VGLL3: variants seen among roughly 807,000 people sequenced by gnomAD.
The protein encoded by VGLL3 is vestigial like family member 3.
In VGLL3, 18 loss-of-function variants were observed where a neutral mutation model predicts 29.2. The observed-to-expected ratio is 0.62, with a 90% CI of 0.43 to 0.91. The LOEUF is 0.91. Ranked by LOEUF, VGLL3 falls within the 40% of genes least tolerant of loss-of-function variation. VGLL3 has a pLI of 0.00. For synonymous variants in VGLL3, 180 were observed against 151.8 expected, an observed-to-expected ratio of 1.19 and a Z score of -1.36; for missense variants, 440 against 413.2, an observed-to-expected ratio of 1.06 and a Z score of -0.56.
intron 3 of VGLL3, among the ~76,000 whole-genome samples, chr3:86,948,205 A>G (rs1312080377): frequency 6.6e-6 from 1 of 152,200 alleles, no homozygotes; most frequent in African/African-American, 2.4e-5. Flanking sequence ...ACATGAAGCA[A>G]AACTCTTTAA....
At chr3:86,977,942 T>A (rs1705243514) in intron 2 of VGLL3, among the ~76,000 whole-genome samples, 1 of 152,124 alleles carries the variant, frequency 6.6e-6, no homozygotes, top group African/African-American at 2.4e-5. Flanking sequence ...CAGAGAGAAA[T>A]AAAGGAGTCC....
intron 1 of VGLL3, among the ~76,000 whole-genome samples, chr3:86,988,548 C>T (rs541091699): frequency 6.8e-6 from 1 of 146,604 alleles, no homozygotes; most frequent in South Asian, 2.2e-4. Context: ...TCAAAATAAA[C>T]TTCTGACACT....
intron 1 of VGLL3, 84 bp from the exon 2 acceptor site, chr3:86,978,886 A>G: frequency 7.1e-7 from 1 of 1,411,010 alleles, no homozygotes; most frequent in Non-Finnish European, 9.5e-7. Flanking sequence ...TTTTAAAAAA[A>G]GAATCTAAAT....
intron 3 of VGLL3, among the ~76,000 whole-genome samples, chr3:86,961,374 G>A (rs1704834667): frequency 6.6e-6 from 1 of 152,138 alleles, no homozygotes. Flanking sequence ...GAATGTACAA[G>A]ATTGTATGTC....
At chr3:86,972,853 T>C (rs961429106) in intron 2 of VGLL3, among the ~76,000 whole-genome samples, 2 of 152,150 alleles carry the variant, frequency 1.3e-5, no homozygotes, top group Admixed American at 1.3e-4. Context: ...CAATTTTCAT[T>C]TGGGGTTAAA....
rs1705567984 is a variant in VGLL3 at position 86,990,745 on chromosome 3, G to A, written c.-2C>T. On this transcript the variant is annotated 5_prime_UTR_variant, in exon 1 of 4. Transcript: ENST00000398399. ...ATACATCACCTCCGCACAACTCATG[G>A]CAGCCGGGGCAGTGGCGGCCCCCGA... 2.9e-6 allele frequency: 4 copies of A among 1,360,348 alleles called. No individual in the cohort carries two copies. Among genetic ancestry groups the A allele is most frequent in the Non-Finnish European group, 3.8e-6 (4 of 1,054,672 alleles). The allele number at this position is 1,360,348 out of a possible 1,614,324, so 84.3% of individuals were successfully genotyped here.
chr3:86,966,006 G>T (rs1704950571), intron 3 of VGLL3, among the ~76,000 whole-genome samples: 2 of 152,144 alleles, frequency 1.3e-5, no homozygotes, highest in South Asian at 4.1e-4. Context: ...AAGATAGAGA[G>T]ATGTAATATT....
chr3:86,967,706 T>C (rs1310067500), intron 3 of VGLL3, among the ~76,000 whole-genome samples: 2 of 152,164 alleles, frequency 1.3e-5, no homozygotes, highest in Non-Finnish European at 2.9e-5. Flanking sequence ...TGGGACCCAC[T>C]ACTTTGGACT....
Position 86,946,848 on chromosome 3 carries a change from G to A in VGLL3, c.*176C>T. On this transcript the variant is annotated 3_prime_UTR_variant, in exon 4 of 4. Coordinates refer to ENST00000398399, the MANE Select transcript of VGLL3 (RefSeq NM_016206.4). ...ACAAATAAAAATGCTTTTCTTCAAT[G>A]TCTGGGACCCACTTTGCTTTCTCAA... is the stretch of plus-strand genomic sequence containing the variant. 1.8e-6 allele frequency: 1 copy of A among 563,720 alleles called. No individual in the cohort carries two copies. Among genetic ancestry groups the A allele is most frequent in the Non-Finnish European group, 3.2e-6 (1 of 313,200 alleles). 34.9% of individuals were successfully genotyped at this position (563,720 alleles called of 1,614,324 possible). A position where few individuals can be genotyped will look rare whatever the true frequency, so the allele number is the denominator to read the frequency against.
chr3:86,972,257 C>G (rs1427212151), intron 2 of VGLL3, among the ~76,000 whole-genome samples: 1 of 151,974 alleles, frequency 6.6e-6, no homozygotes, highest in Non-Finnish European at 1.5e-5. Context: ...AAAATGCACT[C>G]CATAAAGATT....
intron 2 of VGLL3, among the ~76,000 whole-genome samples, chr3:86,970,103 T>A (rs1705062300): frequency 6.6e-6 from 1 of 152,044 alleles, no homozygotes; most frequent in South Asian, 2.1e-4. Context: ...TGAGGAAGTA[T>A]TTTGGGGAGA....
Position 86,964,398 on chromosome 3 carries a change from C to T in VGLL3, c.937+4192G>A, listed in dbSNP as rs535597235. On this transcript the variant is annotated intron_variant, in intron 3 of 3. Transcript: ENST00000398399. ...TCGTTTGTCACTACACATTATATGA[C>T]GTTCAACCTTCTAGATTTCAAGGTT... is the stretch of plus-strand genomic sequence containing the variant. Among the ~76,000 whole-genome samples the T allele has an allele frequency of 2.6e-5, 4 of 152,256 alleles. 1 individual carries two copies. Among genetic ancestry groups the T allele is most frequent in the South Asian group, 4.1e-4 (2 of 4,820 alleles).
At chr3:86,979,208 T>C (rs1441698081) in intron 1 of VGLL3, among the ~76,000 whole-genome samples, 2 of 152,186 alleles carry the variant, frequency 1.3e-5, no homozygotes, top group South Asian at 2.1e-4. Flanking sequence ...AGTGTTATGG[T>C]TTAGGACAGA....
intron 3 of VGLL3, among the ~76,000 whole-genome samples, chr3:86,949,680 G>T (rs570476276): frequency 1.3e-5 from 2 of 151,720 alleles, no homozygotes; most frequent in Admixed American, 6.6e-5. Flanking sequence ...CAAAAAATTA[G>T]CCGGGCGTGA....
At chr3:86,963,416 T>G (rs1039531778) in intron 3 of VGLL3, among the ~76,000 whole-genome samples, 1 of 152,178 alleles carries the variant, frequency 6.6e-6, no homozygotes. Flanking sequence ...AGACTAATAT[T>G]TGCCAGGCAT....
Position 86,990,618 on chromosome 3 carries a change from C to T in VGLL3, c.126G>A (p.Gln42=). ...GCAGGCTGCCCGTCCGGTGACTCAC[C>T]TGCTGGCCAGGTTGGGGCGCCGGCT... ...YYQPAPQPGQ[Q]KKLAVFSKMQ... is the part of the protein sequence containing the mutation. Residue 42 remains glutamine, a splice_region_variant and synonymous_variant, in exon 1 of 4, where the codon CAG becomes CAA. Transcript: ENST00000398399. 7 of 1,354,414 alleles carry T rather than the reference C, an allele frequency of 5.2e-6. No individual in the cohort carries two copies. The highest frequency in any genetic ancestry group is 6.7e-6 in the Non-Finnish European group (7 of 1,044,420). 83.9% of individuals were successfully genotyped at this position (1,354,414 alleles called of 1,614,324 possible).
In VGLL3 at chr3:86,940,676, A is replaced by G. The variant is rs928532525; in HGVS notation, c.*6348T>C. The stretch of plus-strand genomic sequence containing the variant: ...TTTATTGAACAAATTGAAGATAATG[A>G]CATATGTTTTTATTACAAAGTCTTC... On this transcript the variant is annotated 3_prime_UTR_variant, in exon 4 of 4. Coordinates refer to ENST00000398399, the MANE Select transcript of VGLL3 (RefSeq NM_016206.4). 1.3e-5 allele frequency: 2 copies of G among 152,282 alleles called. No individual in the cohort carries two copies. Among genetic ancestry groups the G allele is most frequent in the African/African-American group, 4.8e-5 (2 of 41,452 alleles). 9.4% of individuals were successfully genotyped at this position (152,282 alleles called of 1,614,324 possible).
chr3:86,966,254 C>T (rs1409228271), intron 3 of VGLL3, among the ~76,000 whole-genome samples: 3 of 152,004 alleles, frequency 2.0e-5, no homozygotes, highest in Non-Finnish European at 4.4e-5. Flanking sequence ...AAGGTGTCTA[C>T]GGGAATCTTC....
At chr3:86,950,857 G>T (rs1704602928) in intron 3 of VGLL3, among the ~76,000 whole-genome samples, 1 of 152,062 alleles carries the variant, frequency 6.6e-6, no homozygotes, top group Non-Finnish European at 1.5e-5. Flanking sequence ...AACATAGGGT[G>T]GTCAATTGCC....
Sources: allele counts gnomAD v4.1 joint callset (sites outside exome capture counted in the v4.1 genomes callset), GRCh38; gene constraint gnomAD v4.1.1; transcripts MANE v1.5; gene names NCBI Gene and HGNC (gene_info 2026-07-23, HGNC 2026-07-21).